SULT4A1: variants seen among roughly 807,000 people sequenced by gnomAD.
SULT4A1 encodes sulfotransferase family 4A member 1, also known as sulfotransferase 4A1.
Under a neutral mutation model 35.2 loss-of-function variants are expected in SULT4A1, and 11 were observed. The ratio of observed to expected loss-of-function variants is 0.31; its 90% confidence interval spans 0.20 to 0.52. The LOEUF (loss-of-function observed/expected upper bound fraction) is 0.52. SULT4A1 is among the 20% of genes least tolerant of loss of function. SULT4A1 has a pLI of 0.97. For synonymous variants in SULT4A1, 152 were observed against 151.8 expected (o/e 1.00, Z -0.01); for missense variants, 271 against 383.7 (o/e 0.71, Z 2.45).
Position 43,862,459 on chromosome 22 carries a change from G to GCCAGCA in SULT4A1, c.-78_-77insTGCTGG. Reference sequence around the variant, plus strand: ...CGCCCGCGCCCGCGCCCGCGCCCGCGCCCCGCACACGCTCGCGCCCCACCG... The same window carrying GCCAGCA: ...CGCCCGCGCCCGCGCCCGCGCCCGCGCCAGCACCCCGCACACGCTCGCGCCCCACCG... On this transcript the variant is annotated 5_prime_UTR_variant, in exon 1 of 7. Transcript: ENST00000330884. 1 of 829,908 alleles carries GCCAGCA rather than the reference G, an allele frequency of 1.2e-6. No homozygotes were observed. Among genetic ancestry groups the GCCAGCA allele is most frequent in the South Asian group, 5.8e-5 (1 of 17,320 alleles). 51.4% of individuals were successfully genotyped at this position (829,908 alleles called of 1,614,324 possible).
intron 6 of SULT4A1, among the ~76,000 whole-genome samples, chr22:43,828,013 G>T (rs755017565): frequency 6.6e-6 from 1 of 152,152 alleles, no homozygotes; most frequent in South Asian, 2.1e-4. Context: ...GCCCTTAGCC[G>T]TGATCAGCCC....
intron 6 of SULT4A1, chr22:43,827,529 G>T: frequency 7.4e-7 from 1 of 1,355,786 alleles, no homozygotes. Flanking sequence ...TTAGGATTTG[G>T]AATCAAGACA....
Position 43,862,413 on chromosome 22 carries a change from T to G in SULT4A1, c.-31A>C. 1 of 1,143,494 alleles carries G rather than the reference T, an allele frequency of 8.7e-7. No homozygotes were observed. The allele number at this position is 1,143,494 out of a possible 1,614,324, so 70.8% of individuals were successfully genotyped here. On this transcript the variant is annotated 5_prime_UTR_variant, in exon 1 of 7. Coordinates refer to ENST00000330884, the MANE Select transcript of SULT4A1 (RefSeq NM_014351.4). ...CGCCGTCGCCGTCGCCGCCGCCGCC[T>G]CCCGGCTCGCAGCCCGCACGCGCCC...
chr22:43,850,232 TATC>T (rs1230988686), intron 1 of SULT4A1, among the ~76,000 whole-genome samples: 1 of 152,212 alleles, frequency 6.6e-6, no homozygotes, highest in Non-Finnish European at 1.5e-5. Flanking sequence ...AGTGTACTGA[TATC>T]ATTATTTTAT....
chr22:43,830,257 G>C (rs1196069836), intron 5 of SULT4A1, among the ~76,000 whole-genome samples: 1 of 152,236 alleles, frequency 6.6e-6, no homozygotes, highest in Non-Finnish European at 1.5e-5. Flanking sequence ...AAGAAAAAGG[G>C]TAGCAATGGA....
chr22:43,856,919 T>C (rs892969989), intron 1 of SULT4A1, among the ~76,000 whole-genome samples: 1 of 151,984 alleles, frequency 6.6e-6, no homozygotes, highest in African/African-American at 2.4e-5. Context: ...AGTCAAAAGG[T>C]ACTATTCACA....
At chr22:43,852,757 A>G (rs1364787995) in intron 1 of SULT4A1, among the ~76,000 whole-genome samples, 4 of 150,566 alleles carry the variant, frequency 2.7e-5, no homozygotes, top group Non-Finnish European at 5.9e-5. Flanking sequence ...GTTCCTGGTC[A>G]CCCGGCTGGC....
intron 6 of SULT4A1, chr22:43,827,771 A>ACACG (rs2063298673): frequency 6.5e-6 from 3 of 464,466 alleles, no homozygotes; most frequent in Middle Eastern, 6.7e-4. Context: ...ACACACACAC[A>ACACG]CACACACACA....
rs746018922 is a variant in SULT4A1 at position 43,833,686 on chromosome 22, C to T, written c.557G>A (p.Arg186His). The change falls in exon 5 of 7, where the codon CGC becomes CAC. Residue 186 changes from arginine (R) to histidine (H), a missense_variant. Around this residue, in one of 3 missense-constraint regions of SULT4A1, gnomAD observed 75 missense variants for 67.7 expected, o/e 1.11. Coordinates refer to ENST00000330884, the MANE Select transcript of SULT4A1 (RefSeq NM_014351.4). Reference protein sequence around the residue: ...FEHVQEFWEHRMDSNVLFLKY... With the variant: ...FEHVQEFWEHHMDSNVLFLKY... ...GAGAAAAAGCACGTTCGAGTCCATGCGGTGCTCCCAGAACTCCTGCACGTG... is the reference window on the plus strand; with the variant it reads ...GAGAAAAAGCACGTTCGAGTCCATGTGGTGCTCCCAGAACTCCTGCACGTG... 6.9e-6 allele frequency: 11 copies of T among 1,591,312 alleles called. No homozygotes were observed. Among genetic ancestry groups the T allele is most frequent in the South Asian group, 4.6e-5 (4 of 87,778 alleles).
rs749670426 is a variant in SULT4A1 at position 43,840,015 on chromosome 22, G to T, written c.311C>A (p.Ser104Tyr). ...PGLDIIKELT[S>Y]PRLIKSHLPY... ...CAGGTGGCTCTTGATGAGGCGGGGA[G>T]AGGTCAGTTCCTGCGTGGAGTCAGA... is the stretch of plus-strand genomic sequence containing the variant. The change falls in exon 3 of 7, where the codon TCT (serine) becomes TAT (tyrosine). Residue 104 changes from serine to tyrosine, a missense_variant. Around this residue, in one of 3 missense-constraint regions of SULT4A1, gnomAD observed 164 missense variants for 254.1 expected, o/e 0.65. Coordinates refer to ENST00000330884, the MANE Select transcript of SULT4A1 (RefSeq NM_014351.4). The T allele has an allele frequency of 6.2e-7, 1 of 1,603,550 alleles. No homozygotes were observed. Among genetic ancestry groups the T allele is most frequent in the Admixed American group, 1.7e-5 (1 of 58,300 alleles).
intron 2 of SULT4A1, among the ~76,000 whole-genome samples, chr22:43,841,403 G>T (rs2063427567): frequency 6.6e-6 from 1 of 152,178 alleles, no homozygotes; most frequent in Non-Finnish European, 1.5e-5. Context: ...GTGTCTGAGG[G>T]GTGCGGGGAG....
At chr22:43,838,553 C>A (rs992212836) in intron 4 of SULT4A1, among the ~76,000 whole-genome samples, 3 of 152,260 alleles carry the variant, frequency 2.0e-5, no homozygotes, top group African/African-American at 4.8e-5. Flanking sequence ...TGTTTTCATT[C>A]TCTCCCTGTT....
Position 43,843,547 on chromosome 22 carries a change from A to C in SULT4A1, c.170-1615T>G, listed in dbSNP as rs138640746. On this transcript the variant is annotated intron_variant, in intron 1 of 6. Transcript: ENST00000330884. ...CTTCCTGGGCTCCCCACTCCGACTG[A>C]CAGTGTTGGGCTCACAGCCCTTTTG... 6.0e-4 allele frequency among the ~76,000 whole-genome samples: 92 copies of C among 152,358 alleles called. 1 individual carries two copies. The highest frequency in any genetic ancestry group is 1.1e-3 in the Non-Finnish European group (77 of 68,036).
At chr22:43,848,334 T>C (rs1293593181) in intron 1 of SULT4A1, among the ~76,000 whole-genome samples, 1 of 152,174 alleles carries the variant, frequency 6.6e-6, no homozygotes, top group Non-Finnish European at 1.5e-5. Context: ...GAAATCAAGA[T>C]GGGGCACCAG....
intron 1 of SULT4A1, among the ~76,000 whole-genome samples, chr22:43,857,605 A>C (rs1386291399): frequency 6.6e-6 from 1 of 152,238 alleles, no homozygotes; most frequent in Non-Finnish European, 1.5e-5. Context: ...AATCCCAAGT[A>C]GAATAATTAA....
chr22:43,847,887 C>T (rs1295778288), intron 1 of SULT4A1, among the ~76,000 whole-genome samples: 3 of 152,234 alleles, frequency 2.0e-5, no homozygotes, highest in Non-Finnish European at 4.4e-5. Context: ...TCACCCAAAA[C>T]GTGGTGCCTT....
chr22:43,837,903 C>T (rs778901849), intron 4 of SULT4A1, among the ~76,000 whole-genome samples: 54 of 152,214 alleles, frequency 3.5e-4, no homozygotes, highest in Non-Finnish European at 5.9e-4. Context: ...CTGAACAATG[C>T]GGCTCAGCAT....
intron 6 of SULT4A1, chr22:43,826,386 C>T (rs538211700): frequency 1.0e-6 from 1 of 985,366 alleles, no homozygotes; most frequent in African/African-American, 1.7e-5. Flanking sequence ...TGCCATTCCA[C>T]ACCCCCCGCT....
rs2148315045 is a variant in SULT4A1, at chr22:43,862,242, G to A, written c.141C>T (p.Asp47=). ...ACTTGGGGTAGGTGACGATCCACAC[G>A]TCGCTGGGCCGCACCGGGAAGTTGG... is the stretch of plus-strand genomic sequence containing the variant. The part of the protein sequence containing the change: ...EIANFPVRPS[D]VWIVTYPKSG... The change falls in exon 1 of 7, where the codon GAC becomes GAT. Residue 47 remains aspartate (D), a synonymous_variant. Coordinates refer to ENST00000330884, the MANE Select transcript of SULT4A1 (RefSeq NM_014351.4). 1.3e-6 allele frequency: 2 copies of A among 1,564,272 alleles called. No homozygotes were observed. Among genetic ancestry groups the A allele is most frequent in the East Asian group, 2.5e-5 (1 of 39,436 alleles).
Sources: allele counts gnomAD v4.1 joint callset (sites outside exome capture counted in the v4.1 genomes callset), GRCh38; gene constraint gnomAD v4.1.1; regional missense constraint gnomAD v4.1.1; transcripts MANE v1.5; gene names NCBI Gene and HGNC (gene_info 2026-07-23, HGNC 2026-07-21).